Variants in CELF4 observed in about 807,000 individuals in gnomAD.
The protein encoded by CELF4 is CUGBP Elav-like family member 4, also known as CUG-BP- and ETR-3-like factor 4.
In CELF4, 18 loss-of-function variants were observed where a neutral mutation model predicts 59.9. The ratio of observed to expected loss-of-function variants is 0.30; its 90% CI spans 0.21 to 0.45. The LOEUF (loss-of-function observed/expected upper bound fraction) is 0.45, where lower values mean the gene tolerates loss of function less well. CELF4 is among the 20% of genes least tolerant of loss of function. CELF4 has a pLI of 1.00. For missense variants in CELF4, 456 were observed against 689.0 expected (o/e 0.66, Z 3.79); for synonymous variants, 261 against 267.1 (o/e 0.98, Z 0.22).
intron 1 of CELF4, among the ~76,000 whole-genome samples, chr18:37,504,885 G>A (rs1360011843): frequency 6.6e-6 from 1 of 152,232 alleles, no homozygotes; most frequent in African/African-American, 2.4e-5. Context: ...TGGGGCAAGA[G>A]GCTTCTTTAC....
chr18:37,485,319 C>T (rs1054330479), intron 2 of CELF4, among the ~76,000 whole-genome samples: 2 of 151,774 alleles, frequency 1.3e-5, no homozygotes, highest in African/African-American at 4.8e-5. Flanking sequence ...TTCACGGCCA[C>T]GGCCAAGTGG....
intron 11 of CELF4, among the ~76,000 whole-genome samples, chr18:37,258,729 A>G (rs1397776168): frequency 2.6e-5 from 4 of 152,072 alleles, no homozygotes; most frequent in Admixed American, 2.0e-4. Flanking sequence ...TCACGCTCTG[A>G]TTTAGCCTCG....
intron 10 of CELF4, among the ~76,000 whole-genome samples, chr18:37,263,596 C>T (rs1022046330): frequency 2.6e-5 from 4 of 151,976 alleles, no homozygotes; most frequent in East Asian, 3.9e-4. Context: ...CCAGACGGTG[C>T]GCCTGTTCAT....
chr18:37,554,858 A>G (rs1042327126), intron 1 of CELF4, among the ~76,000 whole-genome samples: 4 of 152,194 alleles, frequency 2.6e-5, no homozygotes, highest in African/African-American at 9.7e-5. Flanking sequence ...GGACTGCCCC[A>G]AGAGAATTCC....
At chr18:37,430,639 C>G (rs903012266) in intron 2 of CELF4, among the ~76,000 whole-genome samples, 1 of 152,228 alleles carries the variant, frequency 6.6e-6, no homozygotes, top group African/African-American at 2.4e-5. Context: ...GCTGCAGAAG[C>G]AGTGTGTGCA....
chr18:37,258,753 C>T (rs968734673), intron 11 of CELF4, among the ~76,000 whole-genome samples: 1 of 152,158 alleles, frequency 6.6e-6, no homozygotes, highest in Non-Finnish European at 1.5e-5. Flanking sequence ...TCAGGCCAGG[C>T]CACTCTCACC....
At chr18:37,371,354 G>C (rs1223340648) in intron 2 of CELF4, among the ~76,000 whole-genome samples, 1 of 152,214 alleles carries the variant, frequency 6.6e-6, no homozygotes, top group Non-Finnish European at 1.5e-5. Flanking sequence ...CAAGGCCCCA[G>C]GGTGCTCTGT....
intron 2 of CELF4, among the ~76,000 whole-genome samples, chr18:37,470,873 T>TGA (rs1569569543): frequency 9.6e-6 from 1 of 104,038 alleles, no homozygotes; most frequent in Non-Finnish European, 2.0e-5. Context: ...TGTGTGTGTG[T>TGA]GTGTGTGTGT....
intron 2 of CELF4, among the ~76,000 whole-genome samples, chr18:37,345,137 C>T (rs2098205184): frequency 6.6e-6 from 1 of 152,138 alleles, no homozygotes; most frequent in Admixed American, 6.5e-5. Context: ...GTCCCCAGGA[C>T]TGGTGTACAG....
At chr18:37,422,922 T>C (rs1383854825) in intron 2 of CELF4, among the ~76,000 whole-genome samples, 1 of 152,182 alleles carries the variant, frequency 6.6e-6, no homozygotes, top group East Asian at 1.9e-4. Context: ...ATTTCCCTGT[T>C]TTCTTCAGTA....
intron 1 of CELF4, among the ~76,000 whole-genome samples, chr18:37,492,260 T>C (rs2099908265): frequency 6.6e-6 from 1 of 152,148 alleles, no homozygotes; most frequent in Non-Finnish European, 1.5e-5. Flanking sequence ...AGGGGCTCCC[T>C]GAAGGCCCCT....
intron 2 of CELF4, among the ~76,000 whole-genome samples, chr18:37,359,793 C>T (rs2098671596): frequency 1.3e-5 from 2 of 152,000 alleles, no homozygotes; most frequent in Admixed American, 1.3e-4. Context: ...GTGGTCCGCC[C>T]ACCTCAGCCT....
chr18:37,465,432 T>A (rs2099805265), intron 2 of CELF4, among the ~76,000 whole-genome samples: 1 of 152,062 alleles, frequency 6.6e-6, no homozygotes, highest in South Asian at 2.1e-4. Context: ...AGCCGGGTTA[T>A]GGTGGAAGAT....
chr18:37,251,712 G>A (rs181635752), intron 12 of CELF4, among the ~76,000 whole-genome samples: 45 of 152,256 alleles, frequency 3.0e-4, no homozygotes, highest in African/African-American at 6.0e-4. Context: ...TCACGAAACC[G>A]TCCCTCCATT....
intron 1 of CELF4, among the ~76,000 whole-genome samples, chr18:37,492,007 A>G (rs2099907360): frequency 6.6e-6 from 1 of 152,216 alleles, no homozygotes; most frequent in African/African-American, 2.4e-5. Context: ...TCATCACGGA[A>G]GGGAAGGTTC....
intron 2 of CELF4, among the ~76,000 whole-genome samples, chr18:37,373,826 C>G (rs542959139): frequency 1.3e-5 from 2 of 152,186 alleles, no homozygotes; most frequent in South Asian, 2.1e-4. Context: ...CCACTAGGCA[C>G]GTGAGAGGCC....
intron 2 of CELF4, among the ~76,000 whole-genome samples, chr18:37,352,146 A>G (rs958737271): frequency 6.6e-6 from 1 of 152,280 alleles, no homozygotes; most frequent in Middle Eastern, 3.4e-3. Context: ...AAAACTGGGA[A>G]TTTTTATCCT....
chr18:37,495,804 C>T (rs1297819524), intron 1 of CELF4, among the ~76,000 whole-genome samples: 1 of 151,946 alleles, frequency 6.6e-6, no homozygotes, highest in African/African-American at 2.4e-5. Flanking sequence ...CCTGATATAT[C>T]CACAGGGACA....
At chr18:37,516,664 T>C (rs2099950937) in intron 1 of CELF4, among the ~76,000 whole-genome samples, 1 of 152,220 alleles carries the variant, frequency 6.6e-6, no homozygotes, top group South Asian at 2.1e-4. Flanking sequence ...AATGACTTAT[T>C]CAAGGCTGAA....
Sources: gnomAD v4.1 joint callset for allele counts (sites outside exome capture counted in the v4.1 genomes callset) on GRCh38, gnomAD v4.1.1 for gene constraint, MANE v1.5 for transcripts, NCBI Gene and HGNC (gene_info 2026-07-23, HGNC 2026-07-21) for gene names.